ADAMTS17: variants seen among roughly 807,000 people sequenced by gnomAD.
The protein encoded by ADAMTS17 is A disintegrin and metalloproteinase with thrombospondin motifs 17.
In ADAMTS17, 113 loss-of-function variants were observed where a neutral mutation model predicts 141.5. That is an observed-to-expected ratio of 0.80 (90% CI 0.69 to 0.93). The LOEUF (loss-of-function observed/expected upper bound fraction) is 0.93. ADAMTS17 is among the 40% of genes least tolerant of loss of function. The pLI is 0.00. For missense variants in ADAMTS17, 1,659 were observed against 1,517.9 expected (o/e 1.09, Z -1.54); for synonymous variants, 768 against 630.6 (o/e 1.22, Z -3.27).
At chr15:100,027,977 C>G (rs1185142140) in intron 18 of ADAMTS17, among the ~76,000 whole-genome samples, 1 of 152,100 alleles carries the variant, frequency 6.6e-6, no homozygotes, top group Non-Finnish European at 1.5e-5. Flanking sequence ...CATGGCAGTC[C>G]CCACTGGGGA....
chr15:100,074,555 A>C (rs1440687185), intron 15 of ADAMTS17, among the ~76,000 whole-genome samples: 2 of 152,048 alleles, frequency 1.3e-5, no homozygotes, highest in Admixed American at 6.5e-5. Flanking sequence ...ATATAAAACC[A>C]TCTTCCCATC....
chr15:99,991,282 G>A (rs1276890930), intron 20 of ADAMTS17, among the ~76,000 whole-genome samples: 1 of 152,106 alleles, frequency 6.6e-6, no homozygotes. Context: ...CTGACCAAAG[G>A]CTAATATCCA....
At chr15:100,177,622 T>C (rs1245633270) in intron 8 of ADAMTS17, among the ~76,000 whole-genome samples, 1 of 152,194 alleles carries the variant, frequency 6.6e-6, no homozygotes, top group Non-Finnish European at 1.5e-5. Flanking sequence ...TATTTTGCTG[T>C]TGTTGGATGA....
intron 15 of ADAMTS17, among the ~76,000 whole-genome samples, chr15:100,084,657 C>G (rs997504946): frequency 1.3e-5 from 2 of 152,166 alleles, no homozygotes; most frequent in Admixed American, 1.3e-4. Context: ...TCCAGAGGAA[C>G]GATCAGGCAG....
intron 4 of ADAMTS17, among the ~76,000 whole-genome samples, chr15:100,276,596 T>A (rs947237337): frequency 6.6e-6 from 1 of 152,038 alleles, no homozygotes; most frequent in East Asian, 1.9e-4. Flanking sequence ...TGTGTTGGAA[T>A]GAAGGTGGCA....
intron 7 of ADAMTS17, among the ~76,000 whole-genome samples, chr15:100,217,345 G>C (rs991356162): frequency 6.6e-6 from 1 of 152,128 alleles, no homozygotes; most frequent in Non-Finnish European, 1.5e-5. Flanking sequence ...AAAACTCTTA[G>C]AAGCAGTTTG....
intron 3 of ADAMTS17, among the ~76,000 whole-genome samples, chr15:100,311,202 T>G (rs767967071): frequency 6.6e-6 from 1 of 152,250 alleles, no homozygotes; most frequent in Non-Finnish European, 1.5e-5. Flanking sequence ...TCACACATTC[T>G]CCCGGCTCTC....
intron 7 of ADAMTS17, among the ~76,000 whole-genome samples, chr15:100,247,288 GC>G (rs2043018671): frequency 6.6e-6 from 1 of 152,172 alleles, no homozygotes; most frequent in South Asian, 2.1e-4. Flanking sequence ...AGATAGGAGA[GC>G]CCCAAGAAGC....
Position 100,341,883 on chromosome 15 carries a change from A to C in ADAMTS17, c.17T>G (p.Leu6Arg). The change falls in exon 1 of 22, where the codon CTG (leucine) becomes CGG (arginine). Residue 6 changes from leucine to arginine, a missense_variant. By Grantham distance (102) the Leu-to-Arg change is moderately radical. Transcript: ENST00000268070. MCDGA[L>R]LPPLVLPVLL... ...CACGGGCAGGACGAGCGGAGGCAGC[A>C]GGGCGCCGTCACACATGGTACCCGG... 6.4e-7 allele frequency: 1 copy of C among 1,551,426 alleles called. No individual in the cohort carries two copies. Among genetic ancestry groups the C allele is most frequent in the Non-Finnish European group, 8.7e-7 (1 of 1,147,580 alleles).
At chr15:100,263,238 CCCA>C (rs1416615182) in intron 4 of ADAMTS17, among the ~76,000 whole-genome samples, 6 of 152,168 alleles carry the variant, frequency 3.9e-5, no homozygotes, top group African/African-American at 1.2e-4. Context: ...CTTGCCACAC[CCCA>C]CCAAGGCTGG....
chr15:100,044,936 T>C (rs2031562768), intron 18 of ADAMTS17, among the ~76,000 whole-genome samples: 2 of 151,894 alleles, frequency 1.3e-5, no homozygotes, highest in Non-Finnish European at 2.9e-5. Flanking sequence ...GCCTCCTGAG[T>C]AGTTGGGACT....
intron 15 of ADAMTS17, among the ~76,000 whole-genome samples, chr15:100,062,549 G>C (rs2033204096): frequency 6.6e-6 from 1 of 152,154 alleles, no homozygotes; most frequent in Admixed American, 6.5e-5. Context: ...AGTCTCTCAA[G>C]CAGAGACCAT....
chr15:100,258,146 T>A (rs2043389520), intron 6 of ADAMTS17, among the ~76,000 whole-genome samples: 1 of 152,230 alleles, frequency 6.6e-6, no homozygotes, highest in African/African-American at 2.4e-5. Context: ...CACTCCCACC[T>A]CTTGGCTGTC....
chr15:100,333,430 G>A (rs924416495), intron 2 of ADAMTS17, among the ~76,000 whole-genome samples: 1 of 152,134 alleles, frequency 6.6e-6, no homozygotes, highest in Non-Finnish European at 1.5e-5. Context: ...CCCTACTCCA[G>A]GCCAAGTGAA....
chr15:100,197,071 C>T (rs1475206344), intron 8 of ADAMTS17, among the ~76,000 whole-genome samples: 1 of 152,192 alleles, frequency 6.6e-6, no homozygotes, highest in Non-Finnish European at 1.5e-5. Context: ...TTGAATCTAA[C>T]CATTCATCTT....
chr15:100,064,665 T>C (rs1477581807), intron 15 of ADAMTS17, among the ~76,000 whole-genome samples: 1 of 152,198 alleles, frequency 6.6e-6, no homozygotes, highest in Non-Finnish European at 1.5e-5. Context: ...GTCCATTTCC[T>C]TGCATGTTTT....
In ADAMTS17 at chr15:99,976,177, A is replaced by G; in HGVS notation, c.2995T>C (p.Cys999Arg). The G allele has an allele frequency of 6.5e-7, 1 of 1,550,068 alleles. No homozygotes were observed. Among genetic ancestry groups the G allele is most frequent in the Non-Finnish European group, 8.7e-7 (1 of 1,146,986 alleles). Residue 999 changes from cysteine to arginine, a missense_variant, in exon 21 of 22, where the codon TGC becomes CGC. Coordinates refer to ENST00000268070, the MANE Select transcript of ADAMTS17 (RefSeq NM_139057.4). ...GKGLQSRVVQ[C>R]MHKVTGRHGS... ...TGGCGCCCTGTGACCTTGTGCATGC[A>G]CTGCACCACCCGGGACTGCAGGCCC...
Position 100,132,079 on chromosome 15 carries a change from C to T in ADAMTS17, c.1649G>A (p.Gly550Asp), listed in dbSNP as rs1041703318. 4 of 1,614,186 alleles carry T rather than the reference C, an allele frequency of 2.5e-6. No individual in the cohort carries two copies. The highest frequency in any genetic ancestry group is 3.4e-6 in the Non-Finnish European group (4 of 1,180,028). Reference sequence around the variant, plus strand: ...TGTTCGGCTGCACATGCTCCAGGCGCCCCACGGGCTCCAGTCTCCGTCCAC... The same window carrying T: ...TGTTCGGCTGCACATGCTCCAGGCGTCCCACGGGCTCCAGTCTCCGTCCAC... ...EHVDGDWSPWGAWSMCSRTCG... is the reference protein window; with the variant it reads ...EHVDGDWSPWDAWSMCSRTCG... Residue 550 changes from glycine to aspartate, a missense_variant, in exon 12 of 22, where the codon GGC becomes GAC. Gly to Asp is a moderately conservative substitution (Grantham distance 94). Coordinates refer to ENST00000268070, the MANE Select transcript of ADAMTS17 (RefSeq NM_139057.4).
chr15:100,097,093 G>A (rs1367382174), intron 14 of ADAMTS17, among the ~76,000 whole-genome samples: 1 of 152,192 alleles, frequency 6.6e-6, no homozygotes, highest in Non-Finnish European at 1.5e-5. Flanking sequence ...AGGAGAGGCT[G>A]CCTCTACCCT....
Sources: gnomAD v4.1 joint callset for allele counts (sites outside exome capture counted in the v4.1 genomes callset) on GRCh38, gnomAD v4.1.1 for gene constraint, MANE v1.5 for transcripts, NCBI Gene and HGNC (gene_info 2026-07-23, HGNC 2026-07-21) for gene names.